Variants in PCDH15 observed in about 807,000 individuals in gnomAD.
The protein encoded by PCDH15 is protocadherin-15.
Under a neutral mutation model 178.5 loss-of-function variants are expected in PCDH15, and 129 were observed. The observed-to-expected ratio is 0.72, with a 90% CI of 0.63 to 0.84. The LOEUF (loss-of-function observed/expected upper bound fraction) is 0.84, where lower values mean the gene tolerates loss of function less well. PCDH15 is among the 40% of genes least tolerant of loss of function. The probability of loss-of-function intolerance (pLI) is 0.00; values close to 1 mark genes in which losing one functional copy is unlikely to be tolerated. For missense variants in PCDH15, 2,230 were observed against 2,099.9 expected (o/e 1.06, Z -1.21); for synonymous variants, 800 against 732.0 (o/e 1.09, Z -1.50).
At chr10:54,025,959 G>A (rs1296067787) in intron 18 of PCDH15, among the ~76,000 whole-genome samples, 2 of 152,112 alleles carry the variant, frequency 1.3e-5, no homozygotes, top group African/African-American at 2.4e-5. Context: ...GGACAATCCA[G>A]GATAGTATCC....
At chr10:54,630,842 A>G (rs961070774) in intron 2 of PCDH15, among the ~76,000 whole-genome samples, 6 of 152,172 alleles carry the variant, frequency 3.9e-5, no homozygotes, top group African/African-American at 1.4e-4. Context: ...AAAAGTGAGC[A>G]GAGGACATGA....
At position 53,903,259 on chromosome 10, in the gene PCDH15, G is replaced by C. The variant is rs2082443700; in HGVS notation, c.3485C>G (p.Ser1162Cys). 1.2e-6 allele frequency: 2 copies of C among 1,612,854 alleles called. No individual in the cohort carries two copies. The highest frequency in any genetic ancestry group is 3.3e-5 in the Admixed American group (2 of 59,990). The change falls in exon 26 of 38, where the codon TCT (serine) becomes TGT (cysteine). Residue 1162 changes from serine (S) to cysteine (C), a missense_variant. By Grantham distance (112) the Ser-to-Cys change is moderately radical. Coordinates refer to ENST00000644397, the MANE Select transcript of PCDH15 (RefSeq NM_001384140.1). ...GVSEDARMFT[S>C]VLRVKATDKD... is the part of the protein sequence containing the mutation. ...TCCGCATACCTTCACTCTGAGTACA[G>C]AAGTAAACATTCTTGCATCTTCAGA...
At chr10:54,599,461 A>G (rs756785446) in intron 2 of PCDH15, among the ~76,000 whole-genome samples, 37 of 152,130 alleles carry the variant, frequency 2.4e-4, no homozygotes, top group Non-Finnish European at 4.7e-4. Context: ...CCATATGCAG[A>G]GATTGAAACT....
At chr10:55,401,463 T>G (rs538890409) in intron 2 of PCDH15, among the ~76,000 whole-genome samples, 1 of 152,120 alleles carries the variant, frequency 6.6e-6, no homozygotes, top group Non-Finnish European at 1.5e-5. Context: ...CTGTCCACAG[T>G]ACATCACTGT....
At chr10:53,847,145 G>A (rs1244746112) in intron 28 of PCDH15, among the ~76,000 whole-genome samples, 1 of 151,922 alleles carries the variant, frequency 6.6e-6, no homozygotes, top group Non-Finnish European at 1.5e-5. Context: ...CTCTGTGATA[G>A]GTTAAGGAGA....
intron 14 of PCDH15, among the ~76,000 whole-genome samples, chr10:54,137,762 C>A (rs2043024990): frequency 6.6e-6 from 1 of 152,184 alleles, no homozygotes; most frequent in Non-Finnish European, 1.5e-5. Context: ...AGATTAAAAT[C>A]TTCTTCTTTG....
At chr10:54,800,028 C>A (rs1230320661) in intron 1 of PCDH15, among the ~76,000 whole-genome samples, 1 of 152,088 alleles carries the variant, frequency 6.6e-6, no homozygotes, top group Non-Finnish European at 1.5e-5. Flanking sequence ...ACAATTGGCT[C>A]TTTTGTGAAA....
intron 2 of PCDH15, among the ~76,000 whole-genome samples, chr10:54,621,306 C>T (rs2093342379): frequency 6.6e-6 from 1 of 152,014 alleles, no homozygotes; most frequent in Admixed American, 6.6e-5. Context: ...AAAATACATC[C>T]TCTAGTGCAT....
intron 2 of PCDH15, among the ~76,000 whole-genome samples, chr10:54,930,365 C>T (rs900487528): frequency 2.6e-5 from 4 of 152,124 alleles, no homozygotes; most frequent in Non-Finnish European, 1.5e-5. Flanking sequence ...CACTCAAGTG[C>T]CCCTCTCTTT....
intron 14 of PCDH15, among the ~76,000 whole-genome samples, chr10:54,134,312 G>A (rs2042696875): frequency 1.1e-5 from 1 of 89,094 alleles, no homozygotes; most frequent in South Asian, 5.0e-4. Flanking sequence ...CAAAGTGCTG[G>A]GATAACAGGT....
chr10:55,252,744 C>T (rs1181449987), intron 1 of PCDH15, among the ~76,000 whole-genome samples: 1 of 151,868 alleles, frequency 6.6e-6, no homozygotes, highest in Non-Finnish European at 1.5e-5. Context: ...TTCACTATAT[C>T]CTCAGAAAAG....
chr10:53,831,803 T>C (rs1232869578), intron 29 of PCDH15, among the ~76,000 whole-genome samples: 1 of 152,134 alleles, frequency 6.6e-6, no homozygotes, highest in Non-Finnish European at 1.5e-5. Flanking sequence ...ATCAGTATCA[T>C]TAAGCTTAAT....
At chr10:54,514,282 C>CAT (rs1373717150) in intron 3 of PCDH15, among the ~76,000 whole-genome samples, 2 of 152,018 alleles carry the variant, frequency 1.3e-5, no homozygotes, top group Admixed American at 6.6e-5. Context: ...CTAAAGAAAA[C>CAT]ATATATATAA....
intron 2 of PCDH15, among the ~76,000 whole-genome samples, chr10:55,327,274 A>G (rs1565012666): frequency 6.6e-6 from 1 of 152,124 alleles, no homozygotes; most frequent in Non-Finnish European, 1.5e-5. Flanking sequence ...TGCCTTGATG[A>G]TGAACTTCCG....
At chr10:54,959,101 A>G (rs1195032092) in intron 2 of PCDH15, among the ~76,000 whole-genome samples, 1 of 151,838 alleles carries the variant, frequency 6.6e-6, no homozygotes, top group Admixed American at 6.6e-5. Context: ...AGGAGTTCAC[A>G]GTGATCATAT....
chr10:54,062,581 C>T (rs1397280803), intron 18 of PCDH15, among the ~76,000 whole-genome samples: 2 of 152,166 alleles, frequency 1.3e-5, no homozygotes, highest in East Asian at 1.9e-4. Flanking sequence ...TCTTCCTCTT[C>T]CTTTTTGCTT....
intron 8 of PCDH15, among the ~76,000 whole-genome samples, chr10:54,285,484 C>T (rs576521923): frequency 6.6e-6 from 1 of 152,054 alleles, no homozygotes; most frequent in Non-Finnish European, 1.5e-5. Context: ...ATATATTTAA[C>T]ATTACTAATC....
At chr10:54,740,516 A>G (rs1290595876) in intron 1 of PCDH15, among the ~76,000 whole-genome samples, 1 of 151,942 alleles carries the variant, frequency 6.6e-6, no homozygotes, top group African/African-American at 2.4e-5. Context: ...CAGCAATTCC[A>G]TTCCTTGGTG....
chr10:54,376,509 T>G lies in PCDH15; in HGVS notation c.318+2273A>C, dbSNP rs549175949. 2.0e-5 allele frequency among the ~76,000 whole-genome samples: 3 copies of G among 151,238 alleles called. No individual in the cohort carries two copies. In the South Asian group the frequency reaches 6.2e-4, roughly 31 times the overall value. Reference sequence around the variant, plus strand: ...GGAGAGCATATTTTCAAATACAATCTATATAAAAAGTGTGCACTCACTTTT... The same window carrying G: ...GGAGAGCATATTTTCAAATACAATCGATATAAAAAGTGTGCACTCACTTTT... On this transcript the variant is annotated intron_variant, in intron 4 of 37. Transcript: ENST00000644397.
Sources: gnomAD v4.1 joint callset for allele counts (sites outside exome capture counted in the v4.1 genomes callset) on GRCh38, gnomAD v4.1.1 for gene constraint, MANE v1.5 for transcripts, NCBI Gene and HGNC (gene_info 2026-07-23, HGNC 2026-07-21) for gene names.